PDE6A: variants seen among roughly 807,000 people sequenced by gnomAD.
The protein encoded by PDE6A is rod cGMP-specific 3',5'-cyclic phosphodiesterase subunit alpha.
Under a neutral mutation model 106.3 loss-of-function variants are expected in PDE6A, and 84 were observed. The ratio of observed to expected loss-of-function variants is 0.79; its 90% confidence interval spans 0.66 to 0.95. PDE6A has a LOEUF of 0.95. Among genes scored for constraint, PDE6A ranks in the 40% least tolerant of loss-of-function variants. The pLI, the probability that PDE6A is intolerant of heterozygous loss-of-function variation, is 0.00. For missense variants in PDE6A, 1,052 were observed against 1,084.9 expected, an observed-to-expected ratio of 0.97 and a Z score of 0.43; for synonymous variants, 394 against 386.6, an observed-to-expected ratio of 1.02 and a Z score of -0.23.
chr5:149,885,054 CA>C (rs1248298734), intron 14 of PDE6A, among the ~76,000 whole-genome samples, 187 bp from the exon 15 acceptor site: 1 of 152,200 alleles, frequency 6.6e-6, no homozygotes, highest in African/African-American at 2.4e-5. Flanking sequence ...CAAACACACA[CA>C]ATGCCATAAG....
At chr5:149,894,911 C>A (rs560334503) in intron 13 of PDE6A, among the ~76,000 whole-genome samples, 5 of 152,130 alleles carry the variant, frequency 3.3e-5, no homozygotes, top group African/African-American at 1.2e-4. Flanking sequence ...TTACAGGCGG[C>A]CCTGTTGAAC....
Position 149,884,300 on chromosome 5 carries a change from A to G in PDE6A, c.2027+179T>C, listed in dbSNP as rs531905900. Reference sequence around the variant, plus strand: ...TATGTGTATATATGTGTATATATGTATATATGTGTATATATGTATATATGT... The same window carrying G: ...TATGTGTATATATGTGTATATATGTGTATATGTGTATATATGTATATATGT... On this transcript the variant is annotated intron_variant, in intron 16 of 21. Transcript: ENST00000255266. Among the ~76,000 whole-genome samples the G allele has an allele frequency of 8.3e-5, 12 of 144,608 alleles. No homozygotes were observed. The South Asian group carries it at 8.6e-4, about 10-fold the overall frequency. 94.9% of individuals were successfully genotyped at this position (144,608 alleles called of 152,430 possible). A position where few individuals can be genotyped will look rare whatever the true frequency, so the allele number is the denominator to read the frequency against.
chr5:149,901,984 C>G (rs1000294388), intron 8 of PDE6A, among the ~76,000 whole-genome samples: 1 of 152,100 alleles, frequency 6.6e-6, no homozygotes, highest in African/African-American at 2.4e-5. Context: ...CTGAGGATAT[C>G]AAGAAAGATA....
intron 4 of PDE6A, among the ~76,000 whole-genome samples, chr5:149,922,501 G>A (rs1373646049): frequency 1.3e-5 from 2 of 151,836 alleles, no homozygotes; most frequent in African/African-American, 4.8e-5. Flanking sequence ...TAGTAGAGAT[G>A]GGGTTTCACC....
At chr5:149,923,526 AAC>A (rs1753785497) in intron 4 of PDE6A, among the ~76,000 whole-genome samples, 2 of 95,208 alleles carry the variant, frequency 2.1e-5, no homozygotes, top group South Asian at 6.6e-4. Flanking sequence ...AACATAACAT[AAC>A]ATAACATAAC....
chr5:149,876,926 G>GATAGATAGATAC (rs961450003), intron 17 of PDE6A, among the ~76,000 whole-genome samples: 1 of 151,852 alleles, frequency 6.6e-6, no homozygotes, highest in African/African-American at 2.4e-5. Context: ...TAGATAGATA[G>GATAGATAGATAC]ATAGATACAT....
chr5:149,906,817 G>A (rs1753209438), intron 7 of PDE6A, among the ~76,000 whole-genome samples: 1 of 151,924 alleles, frequency 6.6e-6, no homozygotes, highest in Non-Finnish European at 1.5e-5. Flanking sequence ...TGTTGCCCAG[G>A]CTGGAGTGCA....
intron 8 of PDE6A, among the ~76,000 whole-genome samples, chr5:149,900,401 G>GATATATATATATATATATATATA (rs1752932187): frequency 8.5e-6 from 1 of 116,994 alleles, no homozygotes; most frequent in East Asian, 3.6e-4. Context: ...ATATATATCC[G>GATATATATATATATATATATATA]TTGGTTCATC....
intron 17 of PDE6A, among the ~76,000 whole-genome samples, chr5:149,878,478 C>T (rs1414624739): frequency 2.0e-5 from 3 of 152,148 alleles, no homozygotes; most frequent in Non-Finnish European, 2.9e-5. Flanking sequence ...CTGCAACAAA[C>T]AATTCTGTAC....
chr5:149,886,368 T>C lies in PDE6A; in HGVS notation c.1735A>G (p.Lys579Glu), dbSNP rs1220527296. 1 of 1,613,472 alleles carries C rather than the reference T, an allele frequency of 6.2e-7. No individual in the cohort carries two copies. Among genetic ancestry groups the C allele is most frequent in the Non-Finnish European group, 8.5e-7 (1 of 1,179,376 alleles). The change falls in exon 14 of 22, where the codon AAG becomes GAG. Residue 579 changes from lysine to glutamate, a missense_variant. This residue lies in a region of PDE6A where 913 missense variants were observed against 915.2 expected (regional missense o/e 1.00). Coordinates refer to ENST00000255266, the MANE Select transcript of PDE6A (RefSeq NM_000440.3). The stretch of plus-strand genomic sequence containing the variant: ...AGGTCCGTGAAGTAGCGCTTCAGCT[T>C]TCCCGTCTGGAAGGGCAATCAGAGT... ...QTMFSLLVTG[K>E]LKRYFTDLEA...
rs75446050 is a variant in PDE6A, at chr5:149,904,588, G to A, written c.1066-893C>T. Among the ~76,000 whole-genome samples the A allele has an allele frequency of 2.0e-4, 30 of 152,238 alleles. No individual in the cohort carries two copies. In the East Asian group the frequency reaches 5.8e-3, roughly 30 times the overall value. On this transcript the variant is annotated intron_variant, in intron 7 of 21. Coordinates refer to ENST00000255266, the MANE Select transcript of PDE6A (RefSeq NM_000440.3). Reference sequence around the variant, plus strand: ...TTGACCTTTCTTTAGTCATCCTTGAGAAACGGTGCCTTCTAGTTCTCAAAA... The same window carrying A: ...TTGACCTTTCTTTAGTCATCCTTGAAAAACGGTGCCTTCTAGTTCTCAAAA...
Position 149,889,436 on chromosome 5 carries a change from A to T in PDE6A, c.1729-3062T>A, listed in dbSNP as rs1341675356. ...CTGTATTTTTATTTATTTATTTATT[A>T]TTTATCTTATTTTATTTTTGTTTTG... is the stretch of plus-strand genomic sequence containing the variant. On this transcript the variant is annotated intron_variant, in intron 13 of 21. Transcript: ENST00000255266. Among the ~76,000 whole-genome samples, 5 of 151,732 alleles carry T rather than the reference A, an allele frequency of 3.3e-5. No homozygotes were observed. The East Asian group carries it at 7.7e-4, about 23-fold the overall frequency.
At chr5:149,871,022 A>G (rs559195767) in intron 17 of PDE6A, among the ~76,000 whole-genome samples, 1 of 152,292 alleles carries the variant, frequency 6.6e-6, no homozygotes, top group Admixed American at 6.5e-5. Context: ...CTAAGAGGTG[A>G]CAATGGAGCA....
At chr5:149,906,519 C>CAAAAAAAAAAAAAGAAAAAAAA (rs1753189717) in intron 7 of PDE6A, among the ~76,000 whole-genome samples, 1 of 54,204 alleles carries the variant, frequency 1.8e-5, no homozygotes, top group Non-Finnish European at 4.0e-5. Flanking sequence ...GAGACACTGT[C>CAAAAAAAAAAAAAGAAAAAAAA]AAAAAAAAAA....
intron 7 of PDE6A, among the ~76,000 whole-genome samples, chr5:149,906,360 T>C (rs748620482): frequency 1.1e-4 from 16 of 151,308 alleles, no homozygotes; most frequent in Non-Finnish European, 2.1e-4. Flanking sequence ...ACCATTTCTC[T>C]ACTAAAAATA....
rs1273808556 is a variant in PDE6A, at chr5:149,863,222, C to T, written c.2403G>A (p.Gly801=). The change falls in exon 21 of 22, where the codon GGG becomes GGA. Residue 801 remains glycine, a synonymous_variant. Coordinates refer to ENST00000255266, the MANE Select transcript of PDE6A (RefSeq NM_000440.3). This position sits in a 1 kb window ranked among gnomAD's most constrained non-coding sequence, Gnocchi z 4.7. ...FHEEITPMLD[G]ITNNRKEWKA... ...TCCACTCCTTGCGATTGTTGGTGAT[C>T]CCGTCCAACATTGGGGTGATCTCCT... is the stretch of plus-strand genomic sequence containing the variant. 1 of 1,614,020 alleles carries T rather than the reference C, an allele frequency of 6.2e-7. No homozygotes were observed.
chr5:149,909,102 C>T (rs547563327), intron 6 of PDE6A, among the ~76,000 whole-genome samples: 1 of 151,898 alleles, frequency 6.6e-6, no homozygotes, highest in East Asian at 1.9e-4. Flanking sequence ...TTTAAGCAAT[C>T]CTCCCACCTC....
intron 4 of PDE6A, among the ~76,000 whole-genome samples, chr5:149,928,256 C>T (rs1478068831): frequency 1.6e-4 from 2 of 12,692 alleles, no homozygotes; most frequent in East Asian, 8.4e-4. Flanking sequence ...TTTTTTGAGA[C>T]GGAGTCTCAC....
chr5:149,929,968 C>T (rs1335300812), intron 4 of PDE6A, among the ~76,000 whole-genome samples: 1 of 152,094 alleles, frequency 6.6e-6, no homozygotes, highest in Non-Finnish European at 1.5e-5. Flanking sequence ...CACCATGCTG[C>T]CCAAGCTGGA....
Sources: allele counts gnomAD v4.1 joint callset (sites outside exome capture counted in the v4.1 genomes callset), GRCh38; gene constraint gnomAD v4.1.1; regional missense constraint gnomAD v4.1.1; non-coding constraint Gnocchi (gnomAD v3.1); transcripts MANE v1.5; gene names NCBI Gene and HGNC (gene_info 2026-07-23, HGNC 2026-07-21).